NELL1: variants seen among roughly 807,000 people sequenced by gnomAD.
NELL1 encodes the protein protein kinase C-binding protein NELL1.
Under a neutral mutation model 107.4 loss-of-function variants are expected in NELL1, and 76 were observed. The ratio of observed to expected loss-of-function variants is 0.71; its 90% CI spans 0.59 to 0.86. The LOEUF (loss-of-function observed/expected upper bound fraction) is 0.86. NELL1 is among the 40% of genes least tolerant of loss of function. The pLI, the probability that NELL1 is intolerant of heterozygous loss-of-function variation, is 0.00. For synonymous variants in NELL1, 353 were observed against 341.2 expected, an observed-to-expected ratio of 1.03 and a Z score of -0.38; for missense variants, 1,024 against 1,005.5, an observed-to-expected ratio of 1.02 and a Z score of -0.25.
intron 12 of NELL1, among the ~76,000 whole-genome samples, chr11:20,999,474 G>A (rs1238431513): frequency 6.6e-6 from 1 of 152,146 alleles, no homozygotes; most frequent in Non-Finnish European, 1.5e-5. Flanking sequence ...CACTCATTGG[G>A]CAGAAAGAGT....
At chr11:20,861,715 C>T (rs564242460) in intron 4 of NELL1, among the ~76,000 whole-genome samples, 13 of 152,300 alleles carry the variant, frequency 8.5e-5, no homozygotes, top group Middle Eastern at 3.4e-3. Flanking sequence ...GGAGCTAGTG[C>T]TGGCCAGGGT....
intron 3 of NELL1, among the ~76,000 whole-genome samples, chr11:20,824,142 T>C (rs558085106): frequency 1.3e-5 from 2 of 151,324 alleles, no homozygotes; most frequent in African/African-American, 4.8e-5. Flanking sequence ...CTATGAGATC[T>C]GCTGGCTTTA....
At chr11:21,542,848 A>G (rs1253005451) in intron 16 of NELL1, among the ~76,000 whole-genome samples, 3 of 152,120 alleles carry the variant, frequency 2.0e-5, no homozygotes, top group Non-Finnish European at 4.4e-5. Flanking sequence ...TATTTGAAAA[A>G]TAAAGAAATT....
At chr11:21,487,573 C>T (rs556809647) in intron 15 of NELL1, among the ~76,000 whole-genome samples, 2 of 152,066 alleles carry the variant, frequency 1.3e-5, no homozygotes, top group Admixed American at 1.3e-4. Context: ...GGTTCCACTA[C>T]AGAAAATCAC....
intron 15 of NELL1, among the ~76,000 whole-genome samples, chr11:21,447,244 A>G (rs1853455627): frequency 6.6e-6 from 1 of 152,152 alleles, no homozygotes; most frequent in African/African-American, 2.4e-5. Flanking sequence ...GGGGAACCCT[A>G]GAGCCCCTTT....
At chr11:21,064,433 C>G (rs1258222754) in intron 12 of NELL1, among the ~76,000 whole-genome samples, 1 of 151,980 alleles carries the variant, frequency 6.6e-6, no homozygotes, top group Admixed American at 6.6e-5. Context: ...GACAGTCGGT[C>G]AGGTTTTGGA....
chr11:21,454,581 G>T (rs1247216542), intron 15 of NELL1, among the ~76,000 whole-genome samples: 1 of 152,136 alleles, frequency 6.6e-6, no homozygotes, highest in Admixed American at 6.5e-5. Context: ...AAATGAAAAA[G>T]AATACATCTC....
rs145531427 is a variant in NELL1, at chr11:21,547,670, C to A, written c.1787-12519C>A. Among the ~76,000 whole-genome samples the A allele has an allele frequency of 2.8e-3, 423 of 152,042 alleles. 3 individuals are homozygous for A. The highest frequency in any genetic ancestry group is 0.01 in the Middle Eastern group (3 of 294). On this transcript the variant is annotated intron_variant, in intron 16 of 19. Coordinates refer to ENST00000357134, the MANE Select transcript of NELL1 (RefSeq NM_006157.5). Reference sequence around the variant, plus strand: ...ATTTTCTGCACCTGTTTCTGCTGTTCCTTTTGCTTCAAATGACTTTCTTCT... The same window carrying A: ...ATTTTCTGCACCTGTTTCTGCTGTTACTTTTGCTTCAAATGACTTTCTTCT...
At chr11:21,118,832 C>A (rs946040585) in intron 13 of NELL1, among the ~76,000 whole-genome samples, 2 of 151,900 alleles carry the variant, frequency 1.3e-5, no homozygotes, top group African/African-American at 4.8e-5. Flanking sequence ...CTTTGCTACT[C>A]AGTTTTTAGA....
intron 13 of NELL1, among the ~76,000 whole-genome samples, chr11:21,156,025 TG>T: frequency 6.6e-6 from 1 of 152,166 alleles, no homozygotes; most frequent in East Asian, 1.9e-4. Context: ...TAGGAGATGA[TG>T]GGTATCCCAA....
intron 14 of NELL1, among the ~76,000 whole-genome samples, chr11:21,350,974 G>T (rs1850798136): frequency 6.6e-6 from 1 of 152,064 alleles, no homozygotes; most frequent in African/African-American, 2.4e-5. Flanking sequence ...AAGATCTTAA[G>T]ATGGTATCAT....
intron 2 of NELL1, among the ~76,000 whole-genome samples, chr11:20,780,011 C>G (rs190621545): frequency 7.6e-4 from 116 of 152,204 alleles, no homozygotes; most frequent in Non-Finnish European, 5.9e-5. Flanking sequence ...TTTTTAACAT[C>G]TGGATCATGG....
At chr11:20,768,946 A>G (rs930341128) in intron 2 of NELL1, among the ~76,000 whole-genome samples, 2 of 152,226 alleles carry the variant, frequency 1.3e-5, no homozygotes, top group Non-Finnish European at 2.9e-5. Flanking sequence ...CACAACAGCC[A>G]TAAGAAACTA....
At chr11:20,986,041 A>G (rs1279756998) in intron 12 of NELL1, among the ~76,000 whole-genome samples, 1 of 152,120 alleles carries the variant, frequency 6.6e-6, no homozygotes, top group Non-Finnish European at 1.5e-5. Flanking sequence ...TATGAGCTAC[A>G]CTTGATATGA....
At chr11:20,820,101 G>T (rs1857717376) in intron 3 of NELL1, among the ~76,000 whole-genome samples, 1 of 152,190 alleles carries the variant, frequency 6.6e-6, no homozygotes, top group Admixed American at 6.5e-5. Flanking sequence ...TTACAGGAAT[G>T]TTAAGCAGCA....
intron 2 of NELL1, among the ~76,000 whole-genome samples, chr11:20,775,815 C>T (rs1856739564): frequency 6.6e-6 from 1 of 152,154 alleles, no homozygotes; most frequent in African/African-American, 2.4e-5. Context: ...TCGAATGGCA[C>T]AGTAATTACA....
At chr11:20,884,007 A>G (rs1248218227) in intron 4 of NELL1, among the ~76,000 whole-genome samples, 1 of 152,188 alleles carries the variant, frequency 6.6e-6, no homozygotes, top group Non-Finnish European at 1.5e-5. Context: ...TCTTTTTAGG[A>G]AAACTTATTT....
At chr11:21,404,833 C>T (rs1487831694) in intron 15 of NELL1, among the ~76,000 whole-genome samples, 1 of 152,000 alleles carries the variant, frequency 6.6e-6, no homozygotes, top group East Asian at 2.0e-4. Flanking sequence ...TCCTGAATAT[C>T]AGCCCTGGGG....
intron 5 of NELL1, among the ~76,000 whole-genome samples, chr11:20,902,600 C>G (rs1275374259): frequency 4.6e-5 from 7 of 151,686 alleles, no homozygotes; most frequent in Admixed American, 2.6e-4. Flanking sequence ...ACATAGGAGC[C>G]CAACTCTTTG....
Sources: allele counts gnomAD v4.1 joint callset (sites outside exome capture counted in the v4.1 genomes callset), GRCh38; gene constraint gnomAD v4.1.1; transcripts MANE v1.5; gene names NCBI Gene and HGNC (gene_info 2026-07-23, HGNC 2026-07-21).